The following COL12A1 variants were observed in gnomAD, a reference collection of about 807,000 sequenced individuals.
The protein encoded by COL12A1 is collagen alpha-1(XII) chain.
A neutral mutation model predicts 349.7 loss-of-function variants in COL12A1; 114 were observed. The ratio of observed to expected loss-of-function variants is 0.33; its 90% CI spans 0.28 to 0.38. The LOEUF is 0.38. Ranked by LOEUF, COL12A1 falls within the 10% of genes least tolerant of loss-of-function variation. COL12A1 has a pLI of 1.00. For synonymous variants in COL12A1, 1,369 were observed against 1,329.0 expected (o/e 1.03, Z -0.66); for missense variants, 3,284 against 3,756.9 (o/e 0.87, Z 3.29).
intron 8 of COL12A1, 30 bp from the exon 9 acceptor site, chr6:75,184,174 T>A: frequency 6.2e-7 from 1 of 1,601,946 alleles, no homozygotes; most frequent in Non-Finnish European, 8.5e-7. Flanking sequence ...CAGTGATTAA[T>A]AACAGTGAGA....
intron 3 of COL12A1, among the ~76,000 whole-genome samples, chr6:75,192,894 C>T (rs942537211): frequency 6.6e-6 from 1 of 152,072 alleles, no homozygotes; most frequent in Admixed American, 6.6e-5. Flanking sequence ...TTGACCTCTG[C>T]ATTGACTTAA....
intron 55 of COL12A1, 68 bp from the exon 56 acceptor site, chr6:75,102,760 G>T: frequency 1.1e-6 from 1 of 941,024 alleles, no homozygotes; most frequent in Non-Finnish European, 1.5e-6. Flanking sequence ...CATTTAGTCA[G>T]ACACTTGTCA....
At chr6:75,158,505 T>A (rs1308971142) in intron 14 of COL12A1, among the ~76,000 whole-genome samples, 1 of 152,142 alleles carries the variant, frequency 6.6e-6, no homozygotes, top group Non-Finnish European at 1.5e-5. Flanking sequence ...TAGTAATACC[T>A]TTTGTTATCA....
intron 14 of COL12A1, among the ~76,000 whole-genome samples, chr6:75,165,237 G>A (rs1214173652): frequency 6.6e-6 from 1 of 151,540 alleles, no homozygotes; most frequent in Non-Finnish European, 1.5e-5. Context: ...CTTTTTACTA[G>A]TTGGGTATTC....
In COL12A1 at chr6:75,105,306, A is replaced by C; in HGVS notation, c.8179-14T>G. 6.2e-7 allele frequency: 1 copy of C among 1,605,574 alleles called. No individual in the cohort carries two copies. Among genetic ancestry groups the C allele is most frequent in the Non-Finnish European group, 8.5e-7 (1 of 1,173,066 alleles). ...TCCCTCATCTCTCTGAAATTTTGAA[A>C]AGAATATTTACCTTTAAATTTAGAG... On this transcript the variant is annotated splice_polypyrimidine_tract_variant and intron_variant, in intron 53 of 65. Coordinates refer to ENST00000322507, the MANE Select transcript of COL12A1 (RefSeq NM_004370.6).
In COL12A1 at chr6:75,130,196, A is replaced by T. The variant is rs764896298; in HGVS notation, c.6105T>A (p.Gly2035=). Residue 2035 remains glycine (G), a synonymous_variant, in exon 37 of 66, where the codon GGT becomes GGA. Transcript: ENST00000322507. ...RSGPRNLRVF[G]ETTNSLSVAW... ...CTACCGAGAGGCTATTGGTTGTTTCACCAAAGACTCTCAGGTTCCTTGGTC... is the reference window on the plus strand; with the variant it reads ...CTACCGAGAGGCTATTGGTTGTTTCTCCAAAGACTCTCAGGTTCCTTGGTC... The T allele has an allele frequency of 1.1e-5, 18 of 1,613,930 alleles. No individual in the cohort carries two copies. Among genetic ancestry groups the T allele is most frequent in the Middle Eastern group, 1.6e-4 (1 of 6,082 alleles).
chr6:75,132,651 G>A (rs1442649590), intron 34 of COL12A1, among the ~76,000 whole-genome samples: 1 of 152,184 alleles, frequency 6.6e-6, no homozygotes, highest in Non-Finnish European at 1.5e-5. Flanking sequence ...TTAAATTGAT[G>A]TACTAATTCC....
chr6:75,175,919 G>A (rs1351729694), intron 12 of COL12A1, among the ~76,000 whole-genome samples: 1 of 152,184 alleles, frequency 6.6e-6, no homozygotes, highest in East Asian at 1.9e-4. Context: ...TTTGTAGATT[G>A]GTCATGTCCT....
Position 75,202,744 on chromosome 6 carries a change from G to A in COL12A1, c.49C>T (p.Leu17Phe), listed in dbSNP as rs1479598091. Residue 17 changes from leucine to phenylalanine, a missense_variant, in exon 2 of 66, where the codon CTC (leucine) becomes TTC (phenylalanine). This residue lies in a region of COL12A1 where 2,601 missense variants were observed against 2,824.8 expected (regional missense o/e 0.92). Transcript: ENST00000322507. ...CCTTCTGCCTCAATGGAAGACAGGA[G>A]CAGGGCCGCGCCCAGGGCGGCAAGC... ...PALAALGAAL[L>F]LSSIEAEVDP... 30 of 1,551,932 alleles carry A rather than the reference G, an allele frequency of 1.9e-5. No homozygotes were observed. The highest frequency in any genetic ancestry group is 2.6e-5 in the Non-Finnish European group (30 of 1,147,038).
intron 13 of COL12A1, among the ~76,000 whole-genome samples, chr6:75,166,652 CA>C (rs1425447415): frequency 6.6e-6 from 1 of 152,108 alleles, no homozygotes; most frequent in African/African-American, 2.4e-5. Context: ...CACAGTATGA[CA>C]TAAATACAAA....
chr6:75,113,223 A>G lies in COL12A1; in HGVS notation c.7931T>C (p.Phe2644Ser). The change falls in exon 51 of 66, where the codon TTT (phenylalanine) becomes TCT (serine). Residue 2644 changes from phenylalanine to serine, a missense_variant. Phe to Ser is a radical substitution (Grantham distance 155, BLOSUM62 -2). Transcript: ENST00000322507. The stretch of plus-strand genomic sequence containing the variant: ...TTTTACCTTGTGAAAACTTCCATAA[A>G]ATAATGTCTTTACTTCTTCTGTGTC... ...TFDTEEVKTL[F>S]YGSFHKVHIV... The G allele has an allele frequency of 6.4e-7, 1 of 1,550,736 alleles. No homozygotes were observed. The highest frequency in any genetic ancestry group is 8.7e-7 in the Non-Finnish European group (1 of 1,150,612).
chr6:75,128,154 C>T, intron 38 of COL12A1, 142 bp downstream of exon 38: 3 of 692,774 alleles, frequency 4.3e-6, no homozygotes, highest in Non-Finnish European at 6.3e-6. Flanking sequence ...AATTTAATGT[C>T]TAATAAAAAT....
intron 1 of COL12A1, among the ~76,000 whole-genome samples, chr6:75,203,053 T>G (rs528847633): frequency 7.2e-5 from 11 of 152,354 alleles, no homozygotes; most frequent in African/African-American, 2.4e-4. Flanking sequence ...AAGGGTCCTG[T>G]TCTCCTGGAG....
Position 75,090,554 on chromosome 6 carries a change from T to A in COL12A1, c.8753-256A>T, listed in dbSNP as rs1296456143. On this transcript the variant is annotated intron_variant, in intron 62 of 65. Transcript: ENST00000322507. The surrounding 1 kb of genome is among the most constrained non-coding windows in gnomAD (Gnocchi z 4.1). ...ATTACTACAAATATAAAAGAGTTGT[T>A]AAAGTTTAATATGGCTCTGAAATAA... Among the ~76,000 whole-genome samples, 3 of 152,220 alleles carry A rather than the reference T, an allele frequency of 2.0e-5. No homozygotes were observed. Among genetic ancestry groups the A allele is most frequent in the African/African-American group, 7.2e-5 (3 of 41,458 alleles).
At chr6:75,157,473 T>C (rs926655969) in intron 14 of COL12A1, among the ~76,000 whole-genome samples, 5 of 150,136 alleles carry the variant, frequency 3.3e-5, no homozygotes, top group African/African-American at 1.2e-4. Context: ...ATAAACACAA[T>C]AATTTTCAGA....
Position 75,097,301 on chromosome 6 carries a change from G to C in COL12A1, c.8529C>G (p.Phe2843Leu). 6.2e-7 allele frequency: 1 copy of C among 1,613,104 alleles called. No homozygotes were observed. Among genetic ancestry groups the C allele is most frequent in the Non-Finnish European group, 8.5e-7 (1 of 1,179,352 alleles). ...GTCCCATTGCACCGTCTTTTCCAGT[G>C]AAGCCCTATTGTAAAAATGAAAGTA... ...GPMGPPGDRG[F>L]TGKDGAMGPR... is the part of the protein sequence containing the mutation. Residue 2843 changes from phenylalanine to leucine, a missense_variant, in exon 59 of 66, where the codon TTC becomes TTG. Phe to Leu is a conservative substitution (Grantham distance 22). Coordinates refer to ENST00000322507, the MANE Select transcript of COL12A1 (RefSeq NM_004370.6).
chr6:75,175,302 T>A lies in COL12A1; in HGVS notation c.2446A>T (p.Asn816Tyr). ...GNAATEEVRG[N>Y]PRDLRVSDPT... is the part of the protein sequence containing the mutation. ...TCAGAAACTCTTAAGTCTCTTGGATTCCCTCTAACTTCATTAAAAAATGAC... is the reference window on the plus strand; with the variant it reads ...TCAGAAACTCTTAAGTCTCTTGGATACCCTCTAACTTCATTAAAAAATGAC... Residue 816 changes from asparagine (N) to tyrosine (Y), a missense_variant, in exon 13 of 66, where the codon AAT becomes TAT. Physicochemically the swap from Asn to Tyr is moderately radical, Grantham distance 143. Transcript: ENST00000322507. 1 of 1,606,402 alleles carries A rather than the reference T, an allele frequency of 6.2e-7. No homozygotes were observed. Among genetic ancestry groups the A allele is most frequent in the East Asian group, 2.2e-5 (1 of 44,822 alleles).
rs947460713 is a variant in COL12A1 at position 75,090,397 on chromosome 6, T to C, written c.8753-99A>G. ...TAGTGTCTAGTGAAATCCATCTCCA[T>C]TCTGCAACCCCTCTAAGGAAACAAT... is the stretch of plus-strand genomic sequence containing the variant. On this transcript the variant is annotated intron_variant, in intron 62 of 65. Coordinates refer to ENST00000322507, the MANE Select transcript of COL12A1 (RefSeq NM_004370.6). The surrounding 1 kb of genome is among the most constrained non-coding windows in gnomAD (Gnocchi z 4.1). 4 of 1,112,102 alleles carry C rather than the reference T, an allele frequency of 3.6e-6. No homozygotes were observed. Among genetic ancestry groups the C allele is most frequent in the Non-Finnish European group, 5.2e-6 (4 of 775,748 alleles). The allele number at this position is 1,112,102 out of a possible 1,614,324, so 68.9% of individuals were successfully genotyped here.
chr6:75,124,809 A>C (rs1309806821), intron 40 of COL12A1, among the ~76,000 whole-genome samples: 2 of 152,194 alleles, frequency 1.3e-5, no homozygotes, highest in African/African-American at 4.8e-5. Context: ...AATGTCAAGA[A>C]GAACTAAGTA....
Sources: gnomAD v4.1 joint callset for allele counts (sites outside exome capture counted in the v4.1 genomes callset) on GRCh38, gnomAD v4.1.1 for gene constraint, gnomAD v4.1.1 regional missense constraint, Gnocchi (gnomAD v3.1) non-coding constraint, MANE v1.5 for transcripts, NCBI Gene and HGNC (gene_info 2026-07-23, HGNC 2026-07-21) for gene names.